Variants in COL16A1 observed in about 807,000 individuals in gnomAD.
COL16A1 encodes the protein collagen alpha-1(XVI) chain.
A neutral mutation model predicts 266.3 loss-of-function variants in COL16A1; 189 were observed. That is an observed-to-expected ratio of 0.71 (90% CI 0.63 to 0.80). The LOEUF (loss-of-function observed/expected upper bound fraction) is 0.80, where lower values mean the gene tolerates loss of function less well. COL16A1 is among the 30% of genes least tolerant of loss of function. The pLI, the probability that COL16A1 is intolerant of heterozygous loss-of-function variation, is 0.00. For missense variants in COL16A1, 1,928 were observed against 2,122.4 expected, an observed-to-expected ratio of 0.91 and a Z score of 1.80; for synonymous variants, 740 against 782.3, an observed-to-expected ratio of 0.95 and a Z score of 0.90.
At position 31,690,571 on chromosome 1, in the gene COL16A1, G is replaced by T; in HGVS notation, c.1440C>A (p.Gly480=). 1 of 1,613,562 alleles carries T rather than the reference G, an allele frequency of 6.2e-7. No homozygotes were observed. The highest frequency in any genetic ancestry group is 8.5e-7 in the Non-Finnish European group (1 of 1,179,830). Residue 480 remains glycine (G), a splice_region_variant and synonymous_variant, in exon 21 of 71, where the codon GGC becomes GGA. Transcript: ENST00000373672. ...CTTCCTTTCCTGGGATCCCCGAGCT[G>T]CCCTGTGGTCAGAAGAAAGGATAAG... ...GGPPGPKGDK[G]SSGIPGKEGP...
At position 31,698,296 on chromosome 1, in the gene COL16A1, C is replaced by A. The variant is rs1288836527; in HGVS notation, c.391-124G>T. 1.9e-6 allele frequency: 3 copies of A among 1,539,620 alleles called. No homozygotes were observed. The highest frequency in any genetic ancestry group is 1.4e-5 in the African/African-American group (1 of 72,498). On this transcript the variant is annotated intron_variant, in intron 5 of 70. Transcript: ENST00000373672. The surrounding 1 kb of genome is among the most constrained non-coding windows in gnomAD (Gnocchi z 4.1). ...ACTGAGGCCCAGAAAGAGAAGAAAG[C>A]CGGCTGGGGTCAAGGAGCTATACAT...
At position 31,670,604 on chromosome 1, in the gene COL16A1, G is replaced by A; in HGVS notation, c.3193C>T (p.Pro1065Ser). ...GTCGAGCAGCGCTAGGTTCTTACAGGCAATCCGGGGGAGCCAACAGCACCA... is the reference window on the plus strand; with the variant it reads ...GTCGAGCAGCGCTAGGTTCTTACAGACAATCCGGGGGAGCCAACAGCACCA... ...FPGAVGSPGL[P>S]GLQGERGLTG... Residue 1065 changes from proline to serine, a missense_variant and splice_region_variant, in exon 49 of 71, where the codon CCT becomes TCT. Around this residue, in one of 2 missense-constraint regions of COL16A1, gnomAD observed 1,552 missense variants for 1,637.2 expected, o/e 0.95. Transcript: ENST00000373672. This position sits in a 1 kb window ranked among gnomAD's most constrained non-coding sequence, Gnocchi z 4.5. The A allele has an allele frequency of 7.1e-7, 1 of 1,408,222 alleles. No homozygotes were observed. Among genetic ancestry groups the A allele is most frequent in the Non-Finnish European group, 9.2e-7 (1 of 1,082,666 alleles). The allele number at this position is 1,408,222 out of a possible 1,614,324, so 87.2% of individuals were successfully genotyped here. A position where few individuals can be genotyped will look rare whatever the true frequency, so the allele number is the denominator to read the frequency against.
intron 51 of COL16A1, 131 bp from the exon 52 acceptor site, chr1:31,667,759 G>A (rs1041093120): frequency 2.2e-6 from 2 of 912,668 alleles, no homozygotes; most frequent in Non-Finnish European, 3.5e-6. Context: ...GGACCGCTGG[G>A]TGCTCCAAAG....
At chr1:31,658,284 C>A (rs1257050621) in intron 64 of COL16A1, among the ~76,000 whole-genome samples, 5 of 152,222 alleles carry the variant, frequency 3.3e-5, no homozygotes, top group African/African-American at 1.2e-4. Context: ...TGGGCAGTGA[C>A]CTCATGTGCA....
At chr1:31,695,881 G>T in intron 9 of COL16A1, 94 bp from the exon 10 acceptor site, 2 of 1,214,386 alleles carry the variant, frequency 1.6e-6, no homozygotes, top group Non-Finnish European at 2.4e-6. Flanking sequence ...ACAGGAGTGG[G>T]CACTCTAGAG....
At position 31,698,080 on chromosome 1, in the gene COL16A1, G is replaced by A; in HGVS notation, c.483C>T (p.Pro161=). 1 of 1,613,978 alleles carries A rather than the reference G, an allele frequency of 6.2e-7. No individual in the cohort carries two copies. The highest frequency in any genetic ancestry group is 8.5e-7 in the Non-Finnish European group (1 of 1,180,040). Residue 161 remains proline, a synonymous_variant, in exon 6 of 71, where the codon CCC becomes CCT. Coordinates refer to ENST00000373672, the MANE Select transcript of COL16A1 (RefSeq NM_001856.4). The surrounding 1 kb of genome is among the most constrained non-coding windows in gnomAD (Gnocchi z 4.1). ...GDFVSCIFPV[P]QLFDLRWHKL... ...TGTGCCAACGCAAGTCGAAGAGCTG[G>A]GGCACTGGGAAGATGCAGGACACAA...
At position 31,655,352 on chromosome 1, in the gene COL16A1, AAGGCCCCG is replaced by A. The variant is rs1301499486; in HGVS notation, c.4244_4251del (p.Pro1415LeufsTer20). On this transcript the variant is annotated frameshift_variant, in exon 67 of 71. Coordinates refer to ENST00000373672, the MANE Select transcript of COL16A1 (RefSeq NM_001856.4). LOFTEE classifies it high-confidence loss of function. ...ACACCAGGCAAGCCAGGGCTCCCCG[AAGGCCCCG>A]GAGCTCCAGGGTGGCCTCTCTCTCC... 1 of 1,612,876 alleles carries A rather than the reference AAGGCCCCG, an allele frequency of 6.2e-7. No homozygotes were observed. The highest frequency in any genetic ancestry group is 1.1e-5 in the South Asian group (1 of 90,890).
At chr1:31,662,296 G>A (rs754569680) in intron 58 of COL16A1, 38 bp downstream of exon 58, 1 of 1,598,894 alleles carries the variant, frequency 6.3e-7, no homozygotes, top group Non-Finnish European at 8.5e-7. Context: ...GCAAAAAGGA[G>A]AGGAAGGGGT....
At chr1:31,661,363 G>A (rs1487843900) in intron 60 of COL16A1, 51 bp downstream of exon 60, 1 of 1,613,248 alleles carries the variant, frequency 6.2e-7, no homozygotes, top group Non-Finnish European at 8.5e-7. Flanking sequence ...CTGGGGGCAA[G>A]CCTTCAGGAG....
At chr1:31,665,450 C>T in intron 55 of COL16A1, 133 bp downstream of exon 55, 1 of 1,522,412 alleles carries the variant, frequency 6.6e-7, no homozygotes, top group African/African-American at 1.4e-5. Flanking sequence ...TCAGGCCTGG[C>T]CACCCAGGCC....
In COL16A1 at chr1:31,664,128, GGCT is replaced by G. The variant is rs1483469317; in HGVS notation, c.3555+1041_3555+1043del. Among the ~76,000 whole-genome samples the G allele has an allele frequency of 7.2e-6, 1 of 138,664 alleles. No homozygotes were observed. The highest frequency in any genetic ancestry group is 1.6e-5 in the Non-Finnish European group (1 of 64,222). The allele number at this position is 138,664 out of a possible 152,430, so 91.0% of individuals were successfully genotyped here. A position where few individuals can be genotyped will look rare whatever the true frequency, so the allele number is the denominator to read the frequency against. On this transcript the variant is annotated intron_variant, in intron 56 of 70. Coordinates refer to ENST00000373672, the MANE Select transcript of COL16A1 (RefSeq NM_001856.4). The surrounding 1 kb of genome is among the most constrained non-coding windows in gnomAD (Gnocchi z 5.5). ...CAATGACCAGCCTAAGGAGAGCAGG[GGCT>G]GCCACTCAGGTCCTGGGGAGGGGAA...
rs754588036 is a variant in COL16A1 at position 31,697,701 on chromosome 1, A to G, written c.657+205T>C. ...GAGCTGCACGGAGAGATGTAAAGGA[A>G]GATGGTGCTGCAGACACTTATAAGG... On this transcript the variant is annotated intron_variant, in intron 6 of 70. Transcript: ENST00000373672. This position sits in a 1 kb window ranked among gnomAD's most constrained non-coding sequence, Gnocchi z 4.2. 3.3e-5 allele frequency among the ~76,000 whole-genome samples: 5 copies of G among 152,216 alleles called. No homozygotes were observed. Among genetic ancestry groups the G allele is most frequent in the Non-Finnish European group, 7.3e-5 (5 of 68,038 alleles).
rs1405019627 is a variant in COL16A1, at chr1:31,698,949, G to A, written c.267-343C>T. On this transcript the variant is annotated intron_variant, in intron 4 of 70. Coordinates refer to ENST00000373672, the MANE Select transcript of COL16A1 (RefSeq NM_001856.4). The surrounding 1 kb of genome is among the most constrained non-coding windows in gnomAD (Gnocchi z 4.1). The stretch of plus-strand genomic sequence containing the variant: ...TCTCTACTAAAAATACAAAAAATTC[G>A]CCAGGTGTAGTGGCAGGCGCCTGTA... 1.3e-5 allele frequency among the ~76,000 whole-genome samples: 2 copies of A among 152,022 alleles called. No homozygotes were observed. Among genetic ancestry groups the A allele is most frequent in the South Asian group, 2.1e-4 (1 of 4,818 alleles).
intron 2 of COL16A1, among the ~76,000 whole-genome samples, chr1:31,701,169 C>T (rs1644710901): frequency 6.6e-6 from 1 of 152,186 alleles, no homozygotes; most frequent in South Asian, 2.1e-4. Context: ...TGCACTCTCC[C>T]TCCCCCAGGT....
intron 54 of COL16A1, 72 bp from the exon 55 acceptor site, chr1:31,665,690 G>A: frequency 6.3e-7 from 1 of 1,595,450 alleles, no homozygotes; most frequent in Non-Finnish European, 8.5e-7. Context: ...GGTGGAAAGA[G>A]TGACGGGGGG....
At chr1:31,655,755 G>A (rs766446727) in intron 66 of COL16A1, 3 of 558,756 alleles carry the variant, frequency 5.4e-6, no homozygotes, top group African/African-American at 1.9e-5. Flanking sequence ...CGTTGGCCGG[G>A]CATGCAAGGC....
chr1:31,699,763 G>T, intron 4 of COL16A1, 50 bp downstream of exon 4: 1 of 1,183,254 alleles, frequency 8.5e-7, no homozygotes, highest in Non-Finnish European at 1.3e-6. Flanking sequence ...TTGCTGAGGA[G>T]TGTGGCTGAG....
intron 32 of COL16A1, 47 bp from the exon 33 acceptor site, chr1:31,684,050 G>A (rs1461283574): frequency 1.2e-6 from 2 of 1,613,668 alleles, no homozygotes; most frequent in African/African-American, 1.3e-5. Flanking sequence ...GAGAAAGGGG[G>A]ACAGGAGGGA....
At chr1:31,694,861 C>A (rs2148818476) in intron 11 of COL16A1, among the ~76,000 whole-genome samples, 1 of 152,312 alleles carries the variant, frequency 6.6e-6, no homozygotes, top group African/African-American at 2.4e-5. Flanking sequence ...AAGCCTCCAC[C>A]AGGGCAGGGG....
Sources: allele counts gnomAD v4.1 joint callset (sites outside exome capture counted in the v4.1 genomes callset), GRCh38; gene constraint gnomAD v4.1.1; regional missense constraint gnomAD v4.1.1; non-coding constraint Gnocchi (gnomAD v3.1); transcripts MANE v1.5; gene names NCBI Gene and HGNC (gene_info 2026-07-23, HGNC 2026-07-21).